ENTPD1: variants seen among roughly 807,000 people sequenced by gnomAD.
ENTPD1 encodes the protein ectonucleoside triphosphate diphosphohydrolase 1, also known as ATP diphosphohydrolase.
A neutral mutation model predicts 57.0 loss-of-function variants in ENTPD1; 33 were observed. The ratio of observed to expected loss-of-function variants is 0.58; its 90% CI spans 0.44 to 0.77. The LOEUF is 0.77. Ranked by LOEUF, ENTPD1 falls within the 30% of genes least tolerant of loss-of-function variation. The pLI is 0.00. For missense variants in ENTPD1, 501 were observed against 603.4 expected, an observed-to-expected ratio of 0.83 and a Z score of 1.78; for synonymous variants, 202 against 218.8, an observed-to-expected ratio of 0.92 and a Z score of 0.68.
At position 95,870,724 on chromosome 10, in the gene ENTPD1, A is replaced by G. The variant is rs982912433; in HGVS notation, c.*4341A>G. The stretch of plus-strand genomic sequence containing the variant: ...TGGCCCCTCTCTGATTCAAATACCA[A>G]TAGTTGCTCTGATTCAAATTCCAAC... On this transcript the variant is annotated 3_prime_UTR_variant, in exon 10 of 10. Coordinates refer to ENST00000371205, the MANE Select transcript of ENTPD1 (RefSeq NM_001776.6). The G allele has an allele frequency of 2.3e-5, 23 of 985,342 alleles. No individual in the cohort carries two copies. In the African/African-American group the frequency reaches 3.7e-4, roughly 16 times the overall value. The allele number at this position is 985,342 out of a possible 1,614,324, so 61.0% of individuals were successfully genotyped here. A position where few individuals can be genotyped will look rare whatever the true frequency, so the allele number is the denominator to read the frequency against.
At chr10:95,703,507 C>T in the ENTPD1 span, among the ~76,000 whole-genome samples, 5 of 152,142 alleles carry the variant, frequency 3.3e-5, no homozygotes, top group Non-Finnish European at 5.9e-5. Context: ...TATCACTGGG[C>T]GCGGTGGCTC....
intron 1 of ENTPD1, among the ~76,000 whole-genome samples, chr10:95,796,905 C>T (rs1461409447): frequency 2.0e-5 from 3 of 151,754 alleles, no homozygotes; most frequent in African/African-American, 7.3e-5. Context: ...ATATTGAGAC[C>T]CTGTCTCTAC....
chr10:95,794,328 A>G (rs1361695832), intron 1 of ENTPD1, among the ~76,000 whole-genome samples: 1 of 152,212 alleles, frequency 6.6e-6, no homozygotes, highest in Non-Finnish European at 1.5e-5. Context: ...AATCATAAGT[A>G]CAGTTGCCAT....
intron 1 of ENTPD1, among the ~76,000 whole-genome samples, chr10:95,758,654 A>G (rs2098041547): frequency 6.6e-6 from 1 of 152,072 alleles, no homozygotes; most frequent in Non-Finnish European, 1.5e-5. Context: ...TGCAGTGTCT[A>G]GTGCAATTTT....
chr10:95,856,058 T>G (rs1026386521), intron 7 of ENTPD1, among the ~76,000 whole-genome samples: 1 of 152,236 alleles, frequency 6.6e-6, no homozygotes, highest in Admixed American at 6.5e-5. Flanking sequence ...ATTCTCCCCG[T>G]CACTTTCAGG....
At chr10:95,765,173 A>G (rs2098083749) in intron 1 of ENTPD1, among the ~76,000 whole-genome samples, 1 of 152,234 alleles carries the variant, frequency 6.6e-6, no homozygotes, top group African/African-American at 2.4e-5. Flanking sequence ...TTGCAGCACA[A>G]AATTTAAAAG....
At chr10:95,846,644 C>T (rs1056012373) in intron 6 of ENTPD1, among the ~76,000 whole-genome samples, 2 of 152,192 alleles carry the variant, frequency 1.3e-5, no homozygotes, top group Non-Finnish European at 2.9e-5. Context: ...CACTAACCTT[C>T]TTATCCACAG....
rs1197844442 is a variant in ENTPD1, at chr10:95,749,921, A to G, written c.37+37928A>G. 1.5e-4 allele frequency among the ~76,000 whole-genome samples: 23 copies of G among 152,220 alleles called. 1 individual carries two copies. The highest frequency in any genetic ancestry group is 1.5e-3 in the Admixed American group (23 of 15,270). On this transcript the variant is annotated intron_variant, in intron 1 of 9. Coordinates refer to the ENTPD1 transcript ENST00000453258. ...AAATAGGCTGAAGAGTTTGAAGAGT[A>G]GAATCTGGGAGGAGACCAGTGAGGA...
intron 7 of ENTPD1, among the ~76,000 whole-genome samples, chr10:95,854,175 C>T (rs1029180781): frequency 5.3e-5 from 8 of 152,054 alleles, no homozygotes; most frequent in African/African-American, 1.7e-4. Context: ...GTGTGTGTGT[C>T]GAGGAATTTA....
At position 95,746,017 on chromosome 10, in the gene ENTPD1, T is replaced by C. The variant is rs533418159; in HGVS notation, c.37+34024T>C. 3.8e-4 allele frequency among the ~76,000 whole-genome samples: 58 copies of C among 152,316 alleles called. 1 individual carries two copies. In the Middle Eastern group the frequency reaches 0.017, roughly 45 times the overall value. On this transcript the variant is annotated intron_variant, in intron 1 of 9. Coordinates refer to the ENTPD1 transcript ENST00000453258. ...GTCCCACAGCTGCTGGTTGAATACA[T>C]AGAATCACTTAACTTTGGGAAAAGG...
chr10:95,804,117 A>G (rs2098262300), intron 1 of ENTPD1, among the ~76,000 whole-genome samples: 1 of 152,168 alleles, frequency 6.6e-6, no homozygotes, highest in Non-Finnish European at 1.5e-5. Flanking sequence ...CTTGTAGTAT[A>G]GTTTGAAGTC....
At chr10:95,737,127 A>G (rs2097995453) in intron 1 of ENTPD1, among the ~76,000 whole-genome samples, 1 of 152,138 alleles carries the variant, frequency 6.6e-6, no homozygotes, top group Non-Finnish European at 1.5e-5. Context: ...CTCAACAAGT[A>G]TTTACTGTTT....
intron 1 of ENTPD1, among the ~76,000 whole-genome samples, chr10:95,759,774 C>A (rs2098048208): frequency 6.6e-6 from 1 of 152,194 alleles, no homozygotes; most frequent in Non-Finnish European, 1.5e-5. Flanking sequence ...TAACATTGAT[C>A]ATTTATTATG....
intron 2 of ENTPD1, among the ~76,000 whole-genome samples, chr10:95,829,850 G>T (rs568776376): frequency 5.3e-5 from 8 of 152,164 alleles, no homozygotes; most frequent in Non-Finnish European, 1.0e-4. Context: ...GGTCATGAGG[G>T]CTCTGACCTC....
At chr10:95,865,867 A>G (rs1317825633) in intron 9 of ENTPD1, among the ~76,000 whole-genome samples, 1 of 152,110 alleles carries the variant, frequency 6.6e-6, no homozygotes, top group African/African-American at 2.4e-5. Context: ...TCCTGGGATT[A>G]AATGATCCTC....
intron 1 of ENTPD1, among the ~76,000 whole-genome samples, chr10:95,761,137 C>A (rs1163633829): frequency 6.6e-6 from 1 of 152,086 alleles, no homozygotes; most frequent in Non-Finnish European, 1.5e-5. Flanking sequence ...GCCATAGAGT[C>A]TATTCTTTTA....
chr10:95,844,332 T>A (rs943210772), intron 4 of ENTPD1, 144 bp from the exon 5 acceptor site: 2 of 1,109,668 alleles, frequency 1.8e-6, no homozygotes, highest in Non-Finnish European at 2.7e-6. Flanking sequence ...TGGACAGCTA[T>A]GTGCGAAGAT....
At chr10:95,732,478 C>T (rs572010482) in intron 1 of ENTPD1, among the ~76,000 whole-genome samples, 1 of 152,266 alleles carries the variant, frequency 6.6e-6, no homozygotes, top group East Asian at 1.9e-4. Flanking sequence ...TAAAAATTTT[C>T]TTTTTACATA....
chr10:95,698,420 A>G, the ENTPD1 span, among the ~76,000 whole-genome samples: 1 of 152,268 alleles, frequency 6.6e-6, no homozygotes. Flanking sequence ...GCCTGACCAC[A>G]TGAAGAGTAA....
Sources: gnomAD v4.1 joint callset for allele counts (sites outside exome capture counted in the v4.1 genomes callset) on GRCh38, gnomAD v4.1.1 for gene constraint, MANE v1.5 for transcripts, NCBI Gene and HGNC (gene_info 2026-07-23, HGNC 2026-07-21) for gene names.